Variants in NRXN3 observed in about 807,000 individuals in gnomAD.
NRXN3 encodes the protein neurexin III.
Under a neutral mutation model 137.6 loss-of-function variants are expected in NRXN3, and 32 were observed. The ratio of observed to expected loss-of-function variants is 0.23; its 90% CI spans 0.18 to 0.31. NRXN3 has a LOEUF of 0.31. Ranked by LOEUF, NRXN3 falls within the 10% of genes least tolerant of loss-of-function variation. The pLI is 1.00. For missense variants in NRXN3, 1,574 were observed against 2,062.5 expected (o/e 0.76, Z 4.59); for synonymous variants, 798 against 784.5 (o/e 1.02, Z -0.29).
intron 4 of NRXN3, among the ~76,000 whole-genome samples, chr14:78,461,735 T>A (rs535064904): frequency 2.1e-4 from 32 of 152,324 alleles, no homozygotes; most frequent in African/African-American, 6.5e-4. Context: ...AAGGCTTTTT[T>A]AAATTTGGTT....
intron 15 of NRXN3, among the ~76,000 whole-genome samples, chr14:79,429,634 G>A (rs1050888479): frequency 2.6e-5 from 4 of 152,128 alleles, no homozygotes; most frequent in African/African-American, 9.7e-5. Flanking sequence ...CATTACGATC[G>A]CCAAATGATA....
chr14:78,668,967 T>G (rs760875795), intron 6 of NRXN3, among the ~76,000 whole-genome samples: 6 of 152,158 alleles, frequency 3.9e-5, no homozygotes, highest in Non-Finnish European at 5.9e-5. Flanking sequence ...TGTCTATCTA[T>G]CTACCTACCT....
At chr14:78,471,826 T>G (rs142848885) in intron 4 of NRXN3, among the ~76,000 whole-genome samples, 3 of 152,304 alleles carry the variant, frequency 2.0e-5, no homozygotes, top group Non-Finnish European at 2.9e-5. Flanking sequence ...GACACTCTAT[T>G]GCTAGTTGGG....
intron 20 of NRXN3, among the ~76,000 whole-genome samples, chr14:79,824,919 C>T (rs1023049650): frequency 1.3e-5 from 2 of 152,172 alleles, no homozygotes; most frequent in African/African-American, 4.8e-5. Context: ...AACATCTATG[C>T]ATAGTCCAGA....
At chr14:78,182,792 T>C (rs974238860) in intron 1 of NRXN3, among the ~76,000 whole-genome samples, 6 of 152,136 alleles carry the variant, frequency 3.9e-5, no homozygotes, top group African/African-American at 1.4e-4. Context: ...TCTCACCACA[T>C]CCTTTCAGCA....
chr14:79,603,967 A>G (rs2097960843), intron 16 of NRXN3, among the ~76,000 whole-genome samples: 1 of 152,130 alleles, frequency 6.6e-6, no homozygotes, highest in South Asian at 2.1e-4. Flanking sequence ...GGCTCACTGC[A>G]AACTCCACCT....
intron 14 of NRXN3, among the ~76,000 whole-genome samples, chr14:78,982,573 T>C (rs1351128182): frequency 4.6e-5 from 7 of 151,798 alleles, no homozygotes; most frequent in Non-Finnish European, 8.8e-5. Context: ...ATAAATGATA[T>C]TGGACAAAAT....
At position 79,167,936 on chromosome 14, in the gene NRXN3, G is replaced by GTTTTT. The variant is rs59584874; in HGVS notation, c.3262+179807_3262+179811dup. On this transcript the variant is annotated intron_variant, in intron 15 of 20. Coordinates refer to ENST00000335750, the MANE Select transcript of NRXN3 (RefSeq NM_001330195.2). The stretch of plus-strand genomic sequence containing the variant: ...TTTTCTTTTCTTTCTTTCTTTCCTT[G>GTTTTT]TTTTTTTTTTTTTTTTACCTTCAGG... 9.1e-3 allele frequency among the ~76,000 whole-genome samples: 1,217 copies of GTTTTT among 133,868 alleles called. 23 individuals are homozygous for GTTTTT. The highest frequency in any genetic ancestry group is 0.028 in the African/African-American group (1,036 of 36,988). 87.8% of individuals were successfully genotyped at this position (133,868 alleles called of 152,430 possible).
At chr14:79,667,375 G>A (rs2098566761) in intron 17 of NRXN3, among the ~76,000 whole-genome samples, 1 of 152,040 alleles carries the variant, frequency 6.6e-6, no homozygotes, top group Non-Finnish European at 1.5e-5. Context: ...CTCACTTGGA[G>A]AACATGCTCT....
In NRXN3 at chr14:78,899,632, G is replaced by A. The variant is rs2099189101; in HGVS notation, c.2276-57610G>A. ...TTTAAGCTAATATACATTCTTTACA[G>A]AATAAATGCAAAATGTTCACATTCA... On this transcript the variant is annotated intron_variant, in intron 10 of 20. Coordinates refer to ENST00000335750, the MANE Select transcript of NRXN3 (RefSeq NM_001330195.2). 2.0e-5 allele frequency among the ~76,000 whole-genome samples: 3 copies of A among 151,836 alleles called. No individual in the cohort carries two copies. In the South Asian group the frequency reaches 6.2e-4, roughly 32 times the overall value.
chr14:78,229,234 G>A (rs1313955493), intron 1 of NRXN3, among the ~76,000 whole-genome samples: 1 of 151,958 alleles, frequency 6.6e-6, no homozygotes, highest in Non-Finnish European at 1.5e-5. Context: ...TACTTCTGCA[G>A]AGAAGCTCTG....
chr14:78,837,377 C>T (rs1156895199), intron 10 of NRXN3, among the ~76,000 whole-genome samples: 5 of 152,054 alleles, frequency 3.3e-5, no homozygotes, highest in African/African-American at 1.2e-4. Context: ...TTGGATCCAA[C>T]TGTGAATAGT....
intron 4 of NRXN3, among the ~76,000 whole-genome samples, chr14:78,494,421 G>GTTTTTTT (rs139596761): frequency 0.19 from 24,256 of 125,870 alleles, 2,568 homozygotes; most frequent in Admixed American, 0.26. Context: ...TACCAGAGGT[G>GTTTTTTT]TTTTGTTTTT....
rs1416658320 is a variant in NRXN3 at position 78,661,881 on chromosome 14, T to TC, written c.1221+10556dup. 2.6e-5 allele frequency among the ~76,000 whole-genome samples: 4 copies of TC among 152,164 alleles called. 1 individual carries two copies. Among genetic ancestry groups the TC allele is most frequent in the African/African-American group, 7.2e-5 (3 of 41,528 alleles). ...TTCAGCAAATGTTATTTATTTTTTT[T>TC]CTGAGACAGTTTTTTTTTTTTTTTC... On this transcript the variant is annotated intron_variant, in intron 6 of 20. Transcript: ENST00000335750.
Position 78,207,742 on chromosome 14 carries a change from A to G in NRXN3, c.-703-34649A>G, listed in dbSNP as rs569405070. Among the ~76,000 whole-genome samples the G allele has an allele frequency of 7.9e-5, 12 of 152,252 alleles. No individual in the cohort carries two copies. In the South Asian group the frequency reaches 1.5e-3, roughly 18 times the overall value. ...ACGCCCTTTTGGTTCTTCTTTTAAA[A>G]TATCTTTGAACTCCACTTGTTCCTC... On this transcript the variant is annotated intron_variant, in intron 1 of 20. Transcript: ENST00000335750.
Position 79,648,708 on chromosome 14 carries a change from G to A in NRXN3, c.3445-15070G>A, listed in dbSNP as rs112641922. On this transcript the variant is annotated intron_variant, in intron 16 of 20. Transcript: ENST00000335750. ...AGGCATGACTTCTGGTCCTCTATCT[G>A]CCCTTCACAGAGTGGAGATGAGGCC... 5.0e-3 allele frequency among the ~76,000 whole-genome samples: 758 copies of A among 151,698 alleles called. 35 individuals are homozygous for A. Among genetic ancestry groups the A allele is most frequent in the African/African-American group, 0.018 (734 of 41,458 alleles).
intron 1 of NRXN3, among the ~76,000 whole-genome samples, chr14:78,215,920 A>T (rs1001102029): frequency 6.6e-6 from 1 of 152,190 alleles, no homozygotes; most frequent in Non-Finnish European, 1.5e-5. Flanking sequence ...ATAGCTCCAG[A>T]TAATAAAAAC....
intron 15 of NRXN3, among the ~76,000 whole-genome samples, chr14:79,042,760 A>C (rs1374939238): frequency 5.3e-5 from 8 of 152,218 alleles, no homozygotes; most frequent in African/African-American, 1.9e-4. Context: ...AGTAGCTAAC[A>C]CTGCTCACTT....
At chr14:78,290,410 A>C (rs2075683367) in intron 3 of NRXN3, among the ~76,000 whole-genome samples, 1 of 152,188 alleles carries the variant, frequency 6.6e-6, no homozygotes, top group South Asian at 2.1e-4. Context: ...GTAAGGAACT[A>C]GTGAACCCTG....
Sources: gnomAD v4.1 joint callset for allele counts (sites outside exome capture counted in the v4.1 genomes callset) on GRCh38, gnomAD v4.1.1 for gene constraint, MANE v1.5 for transcripts, NCBI Gene and HGNC (gene_info 2026-07-23, HGNC 2026-07-21) for gene names.